ASB18: variants seen among roughly 807,000 people sequenced by gnomAD.
The protein encoded by ASB18 is ankyrin repeat and SOCS box protein 18.
In ASB18, 33 loss-of-function variants were observed where a neutral mutation model predicts 33.4. That is an observed-to-expected ratio of 0.99 (90% CI 0.75 to 1.32). The LOEUF is 1.32. Among genes scored for constraint, ASB18 ranks in the 40% most tolerant of loss-of-function variants. The pLI is 0.00. For missense variants in ASB18, 694 were observed against 655.5 expected (o/e 1.06, Z -0.64); for synonymous variants, 295 against 307.6 (o/e 0.96, Z 0.43).
chr2:236,202,811 A>ATG (rs2060411449), intron 4 of ASB18, among the ~76,000 whole-genome samples: 1 of 142,154 alleles, frequency 7.0e-6, no homozygotes, highest in Non-Finnish European at 1.5e-5. Context: ...ATATATATAT[A>ATG]TATACACACA....
At chr2:236,202,814 T>TATATATATATATATATATATACACACAC (rs1472095135) in intron 4 of ASB18, among the ~76,000 whole-genome samples, 22 of 126,516 alleles carry the variant, frequency 1.7e-4, no homozygotes, top group Non-Finnish European at 3.1e-4. Flanking sequence ...TATATATATA[T>TATATATATATATATATATATACACACAC]ACACACACCT....
chr2:236,242,117 A>G (rs2060623922), intron 1 of ASB18, among the ~76,000 whole-genome samples: 2 of 152,348 alleles, frequency 1.3e-5, no homozygotes, highest in South Asian at 4.1e-4. Flanking sequence ...CTTTACTCCC[A>G]ATAACAACCA....
Position 236,259,669 on chromosome 2 carries a change from G to T in ASB18, c.205+4472C>A. On this transcript the variant is annotated intron_variant, in intron 1 of 5. Coordinates refer to ENST00000409749, the MANE Select transcript of ASB18 (RefSeq NM_212556.4). The surrounding 1 kb of genome is among the most constrained non-coding windows in gnomAD (Gnocchi z 4.4). ...ATGGGGATGCTGACTGTAGAGCGTG[G>T]GGGGCTCAGCCTCAGTGAGCCCAGC... The T allele has an allele frequency of 2.2e-6, 1 of 454,050 alleles. No individual in the cohort carries two copies. Among genetic ancestry groups the T allele is most frequent in the South Asian group, 1.6e-5 (1 of 62,732 alleles). 28.1% of individuals were successfully genotyped at this position (454,050 alleles called of 1,614,324 possible).
chr2:236,223,883 TC>T lies in ASB18; in HGVS notation c.597-9018del, dbSNP rs1373803319. Among the ~76,000 whole-genome samples the T allele has an allele frequency of 1.1e-4, 17 of 152,348 alleles. No homozygotes were observed. Among genetic ancestry groups the T allele is most frequent in the African/African-American group, 3.4e-4 (14 of 41,578 alleles). The stretch of plus-strand genomic sequence containing the variant: ...CTTTTTTTAAATTGCTGAGTCATAT[TC>T]AATTGTATGGATATACCACAATTTT... On this transcript the variant is annotated intron_variant, in intron 3 of 5. Transcript: ENST00000409749. The surrounding 1 kb of genome is among the most constrained non-coding windows in gnomAD (Gnocchi z 4.6).
Position 236,239,022 on chromosome 2 carries a change from G to C in ASB18, c.329-1066C>G, listed in dbSNP as rs991487843. ...TGTTGTGCACTCAGTGGGGGAAGGG[G>C]GGCCTGTGGGACTGGCATGGAATGG... On this transcript the variant is annotated intron_variant, in intron 2 of 5. Transcript: ENST00000409749. This position sits in a 1 kb window ranked among gnomAD's most constrained non-coding sequence, Gnocchi z 5.6. Among the ~76,000 whole-genome samples the C allele has an allele frequency of 1.3e-5, 2 of 152,158 alleles. No homozygotes were observed. Among genetic ancestry groups the C allele is most frequent in the African/African-American group, 4.8e-5 (2 of 41,432 alleles).
chr2:236,240,582 G>A (rs1037550653), intron 2 of ASB18, among the ~76,000 whole-genome samples: 11 of 152,210 alleles, frequency 7.2e-5, no homozygotes, highest in African/African-American at 1.7e-4. Context: ...GGTGCCATCC[G>A]AGAAAGCCCC....
At chr2:236,197,089 A>G (rs1479639231) in intron 4 of ASB18, among the ~76,000 whole-genome samples, 2 of 149,566 alleles carry the variant, frequency 1.3e-5, no homozygotes, top group African/African-American at 4.8e-5. Context: ...CCATCAACCC[A>G]TGGTTGATCC....
Position 236,204,097 on chromosome 2 carries a change from AT to A in ASB18, c.1102-7713del, listed in dbSNP as rs78098136. Among the ~76,000 whole-genome samples the A allele has an allele frequency of 0.17, 26,094 of 151,700 alleles. 2,259 individuals are homozygous for A. The highest frequency in any genetic ancestry group is 0.25 in the South Asian group (1,194 of 4,808). On this transcript the variant is annotated intron_variant, in intron 4 of 5. Transcript: ENST00000409749. The surrounding 1 kb of genome is among the most constrained non-coding windows in gnomAD (Gnocchi z 5.1). ...AAGAGTGGGGAGAATCTGGGGATGG[AT>A]TTCCCCCTTCCTGAGCTCTTCGTTA...
rs149197796 is a variant in ASB18 at position 236,242,543 on chromosome 2, C to T, written c.206-1141G>A. ...TCATGATACTCACTGCACCCTCCAC[C>T]TCCTGGGTTCAAGTGATTCTCCTAC... On this transcript the variant is annotated intron_variant, in intron 1 of 5. Coordinates refer to ENST00000409749, the MANE Select transcript of ASB18 (RefSeq NM_212556.4). Among the ~76,000 whole-genome samples the T allele has an allele frequency of 7.0e-3, 1,066 of 152,278 alleles. 10 individuals are homozygous for T. The highest frequency in any genetic ancestry group is 0.025 in the African/African-American group (1,022 of 41,568).
chr2:236,243,560 G>C (rs1488276940), intron 1 of ASB18, among the ~76,000 whole-genome samples: 1 of 152,164 alleles, frequency 6.6e-6, no homozygotes, highest in East Asian at 1.9e-4. Context: ...GTGTTAGGAG[G>C]CTCCATAGGA....
In ASB18 at chr2:236,241,196, G is replaced by C; in HGVS notation, c.328+84C>G. 1 of 1,379,144 alleles carries C rather than the reference G, an allele frequency of 7.3e-7. No individual in the cohort carries two copies. Among genetic ancestry groups the C allele is most frequent in the Non-Finnish European group, 1.0e-6 (1 of 982,166 alleles). The allele number at this position is 1,379,144 out of a possible 1,614,324, so 85.4% of individuals were successfully genotyped here. The stretch of plus-strand genomic sequence containing the variant: ...GTTAAACCCAGTGCCACTGTGCCCA[G>C]TCTACACACGGGAGCCTTACACTCC... On this transcript the variant is annotated intron_variant, in intron 2 of 5. Coordinates refer to ENST00000409749, the MANE Select transcript of ASB18 (RefSeq NM_212556.4). This position sits in a 1 kb window ranked among gnomAD's most constrained non-coding sequence, Gnocchi z 4.2.
In ASB18 at chr2:236,255,305, A is replaced by G. The variant is rs914186906; in HGVS notation, c.205+8836T>C. ...ATTACAGGCGCCCACCACGACGCCC[A>G]GCTAATTTATATATTTTTTGTAGAG... On this transcript the variant is annotated intron_variant, in intron 1 of 5. Coordinates refer to ENST00000409749, the MANE Select transcript of ASB18 (RefSeq NM_212556.4). The surrounding 1 kb of genome is among the most constrained non-coding windows in gnomAD (Gnocchi z 4.4). 6.6e-6 allele frequency among the ~76,000 whole-genome samples: 1 copy of G among 151,746 alleles called. No homozygotes were observed. Among genetic ancestry groups the G allele is most frequent in the African/African-American group, 2.4e-5 (1 of 41,288 alleles).
In ASB18 at chr2:236,211,950, A is replaced by G. The variant is rs1378779023; in HGVS notation, c.1101+2412T>C. ...TTCCAAAGATTTAATGCAGGCCATG[A>G]GCCTGCAGTGGCTGGAATCCCTTTC... On this transcript the variant is annotated intron_variant, in intron 4 of 5. Coordinates refer to ENST00000409749, the MANE Select transcript of ASB18 (RefSeq NM_212556.4). The surrounding 1 kb of genome is among the most constrained non-coding windows in gnomAD (Gnocchi z 5.0). 2.6e-5 allele frequency among the ~76,000 whole-genome samples: 4 copies of G among 152,212 alleles called. No homozygotes were observed. The highest frequency in any genetic ancestry group is 9.6e-5 in the African/African-American group (4 of 41,454).
rs1321504309 is a variant in ASB18, at chr2:236,262,437, G to C, written c.205+1704C>G. 1.3e-5 allele frequency among the ~76,000 whole-genome samples: 2 copies of C among 152,202 alleles called. No individual in the cohort carries two copies. The highest frequency in any genetic ancestry group is 2.9e-5 in the Non-Finnish European group (2 of 68,034). ...GCAGGAGCTGCTGGGCAGGAGCCAA[G>C]CCTTCCACAGAAGGAGGCTGCTAAA... is the stretch of plus-strand genomic sequence containing the variant. On this transcript the variant is annotated intron_variant, in intron 1 of 5. Transcript: ENST00000409749. This position sits in a 1 kb window ranked among gnomAD's most constrained non-coding sequence, Gnocchi z 5.2.
In ASB18 at chr2:236,238,521, C is replaced by T. The variant is rs996480764; in HGVS notation, c.329-565G>A. Among the ~76,000 whole-genome samples the T allele has an allele frequency of 6.6e-6, 1 of 152,172 alleles. No individual in the cohort carries two copies. The highest frequency in any genetic ancestry group is 1.5e-5 in the Non-Finnish European group (1 of 68,040). On this transcript the variant is annotated intron_variant, in intron 2 of 5. Coordinates refer to ENST00000409749, the MANE Select transcript of ASB18 (RefSeq NM_212556.4). The surrounding 1 kb of genome is among the most constrained non-coding windows in gnomAD (Gnocchi z 5.2). ...AAGGACTCAGAGAAAGTTTAGCTCT[C>T]TTGCAAGTGGCTGAGTTTTCAGAAG... is the stretch of plus-strand genomic sequence containing the variant.
Position 236,203,990 on chromosome 2 carries a change from C to T in ASB18, c.1102-7605G>A, listed in dbSNP as rs1200782461. ...GAGAGCCCAGTGAAGAAGATGTGTC[C>T]ATCTAGGGGAGAGATGGTGGTGGCC... On this transcript the variant is annotated intron_variant, in intron 4 of 5. Transcript: ENST00000409749. This position sits in a 1 kb window ranked among gnomAD's most constrained non-coding sequence, Gnocchi z 6.0. Among the ~76,000 whole-genome samples, 1 of 152,174 alleles carries T rather than the reference C, an allele frequency of 6.6e-6. No homozygotes were observed. The highest frequency in any genetic ancestry group is 1.5e-5 in the Non-Finnish European group (1 of 68,028).
Position 236,241,060 on chromosome 2 carries a change from C to T in ASB18, c.328+220G>A, listed in dbSNP as rs2060618924. 6.6e-6 allele frequency among the ~76,000 whole-genome samples: 1 copy of T among 152,218 alleles called. No individual in the cohort carries two copies. Among genetic ancestry groups the T allele is most frequent in the South Asian group, 2.1e-4 (1 of 4,838 alleles). ...GGCACACCCAGCGTCATCGGATAGGCATTCCCACCAATCGCTGCTTTGCCT... is the reference window on the plus strand; with the variant it reads ...GGCACACCCAGCGTCATCGGATAGGTATTCCCACCAATCGCTGCTTTGCCT... On this transcript the variant is annotated intron_variant, in intron 2 of 5. Coordinates refer to ENST00000409749, the MANE Select transcript of ASB18 (RefSeq NM_212556.4). The surrounding 1 kb of genome is among the most constrained non-coding windows in gnomAD (Gnocchi z 4.2).
intron 1 of ASB18, among the ~76,000 whole-genome samples, chr2:236,247,125 C>CT (rs3033949): frequency 0.03 from 3,970 of 133,678 alleles, 181 homozygotes; most frequent in African/African-American, 0.097. Flanking sequence ...GAAACAGACT[C>CT]TTTTTTTTTT....
In ASB18 at chr2:236,264,223, C is replaced by T. The variant is rs375652640; in HGVS notation, c.123G>A (p.Thr41=). 1.2e-5 allele frequency: 20 copies of T among 1,613,960 alleles called. No individual in the cohort carries two copies. The highest frequency in any genetic ancestry group is 4.4e-5 in the South Asian group (4 of 91,084). Residue 41 remains threonine, a synonymous_variant, in exon 1 of 6, where the codon ACG becomes ACA. Transcript: ENST00000409749. The surrounding 1 kb of genome is among the most constrained non-coding windows in gnomAD (Gnocchi z 5.1). ...RVRDLICTEI[T]PVDAVIELAN... is the part of the protein sequence containing the mutation. ...CCAGTTCTATCACAGCGTCCACAGG[C>T]GTGATTTCAGTGCAGATTAAATCCC...
Sources: allele counts gnomAD v4.1 joint callset (sites outside exome capture counted in the v4.1 genomes callset), GRCh38; gene constraint gnomAD v4.1.1; non-coding constraint Gnocchi (gnomAD v3.1); transcripts MANE v1.5; gene names NCBI Gene and HGNC (gene_info 2026-07-23, HGNC 2026-07-21).